ENTREP2: variants seen among roughly 807,000 people sequenced by gnomAD.
ENTREP2 encodes the protein protein ENTREP2.
At chr15:29,220,405 T>C in the ENTREP2 span, among the ~76,000 whole-genome samples, 2 of 152,234 alleles carry the variant, frequency 1.3e-5, no homozygotes, top group Admixed American at 6.5e-5. Context: ...TTTATTATTA[T>C]ATTTTATGCA....
At chr15:29,198,883 T>C in the ENTREP2 span, among the ~76,000 whole-genome samples, 1 of 152,380 alleles carries the variant, frequency 6.6e-6, no homozygotes, top group Admixed American at 6.5e-5. Flanking sequence ...TTGGCATCTT[T>C]CATTCAAAAT....
At chr15:29,143,018 G>A in the ENTREP2 span, among the ~76,000 whole-genome samples, 1 of 152,140 alleles carries the variant, frequency 6.6e-6, no homozygotes, top group Non-Finnish European at 1.5e-5. Flanking sequence ...CTGACAATAG[G>A]CAGAACGCTT....
the ENTREP2 span, among the ~76,000 whole-genome samples, chr15:29,566,129 T>G: frequency 1.3e-5 from 2 of 151,942 alleles, no homozygotes; most frequent in East Asian, 3.9e-4. Context: ...ATTGTTTGTG[T>G]GTATGTGTGT....
the ENTREP2 span, among the ~76,000 whole-genome samples, chr15:29,534,877 A>G: frequency 1.3e-5 from 2 of 152,254 alleles, no homozygotes; most frequent in African/African-American, 2.4e-5. Context: ...TGATGGACTG[A>G]TAAGTGAATG....
the ENTREP2 span, among the ~76,000 whole-genome samples, chr15:29,455,367 G>A: frequency 6.6e-6 from 1 of 152,154 alleles, no homozygotes; most frequent in East Asian, 1.9e-4. Context: ...CACTGAGTAA[G>A]TAGTTGCTGG....
chr15:29,338,485 G>A, the ENTREP2 span, among the ~76,000 whole-genome samples: 1 of 151,970 alleles, frequency 6.6e-6, no homozygotes, highest in South Asian at 2.1e-4. Context: ...TGGCCACGTG[G>A]AGAGGTCAGC....
chr15:29,590,270 G>A, the ENTREP2 span, among the ~76,000 whole-genome samples: 11 of 152,040 alleles, frequency 7.2e-5, no homozygotes, highest in African/African-American at 2.2e-4. Flanking sequence ...AGTAGATATC[G>A]GCCACTCTGA....
the ENTREP2 span, among the ~76,000 whole-genome samples, chr15:29,130,178 C>A: frequency 6.6e-6 from 1 of 152,198 alleles, no homozygotes; most frequent in African/African-American, 2.4e-5. Flanking sequence ...GGTTCCGAGA[C>A]AAAGAGAAGA....
the ENTREP2 span, chr15:29,570,487 C>T: frequency 7.7e-7 from 1 of 1,294,122 alleles, no homozygotes. Flanking sequence ...CCGTCCCCGC[C>T]TGGTCGCGGA....
chr15:29,550,811 G>A, the ENTREP2 span, among the ~76,000 whole-genome samples: 1,264 of 152,196 alleles, frequency 8.3e-3, 20 homozygotes, highest in African/African-American at 0.029. Context: ...CACTCACGCA[G>A]CAAACATTTA....
the ENTREP2 span, among the ~76,000 whole-genome samples, chr15:29,592,830 C>T: frequency 6.6e-6 from 1 of 152,078 alleles, no homozygotes; most frequent in South Asian, 2.1e-4. Context: ...GCTGGATGTT[C>T]AAAAGAATGG....
chr15:29,579,686 A>ATTTT, the ENTREP2 span, among the ~76,000 whole-genome samples: 23 of 55,818 alleles, frequency 4.1e-4, 1 homozygote, highest in African/African-American at 6.4e-4. Context: ...CACCCAGCTA[A>ATTTT]TTTTTTTTTT....
chr15:29,635,070 C>T, the ENTREP2 span, among the ~76,000 whole-genome samples: 2 of 152,090 alleles, frequency 1.3e-5, no homozygotes, highest in African/African-American at 4.8e-5. Flanking sequence ...GTCTCAATCT[C>T]CTGACCTCAT....
At chr15:29,152,424 C>T in the ENTREP2 span, among the ~76,000 whole-genome samples, 1 of 152,178 alleles carries the variant, frequency 6.6e-6, no homozygotes, top group African/African-American at 2.4e-5. Context: ...TTCCCTGCTC[C>T]CCATTTAACC....
At chr15:29,419,344 T>C in the ENTREP2 span, among the ~76,000 whole-genome samples, 2 of 152,034 alleles carry the variant, frequency 1.3e-5, no homozygotes, top group South Asian at 2.1e-4. Flanking sequence ...ACATCTAAAA[T>C]GAGTAACTCA....
chr15:29,592,010 A>G, the ENTREP2 span, among the ~76,000 whole-genome samples: 2 of 152,202 alleles, frequency 1.3e-5, no homozygotes, highest in African/African-American at 4.8e-5. Context: ...CTCCCCAACA[A>G]ATTTCAGAGA....
chr15:29,228,281 T>C, the ENTREP2 span, among the ~76,000 whole-genome samples: 1 of 152,090 alleles, frequency 6.6e-6, no homozygotes, highest in African/African-American at 2.4e-5. Flanking sequence ...ATCACGCCAC[T>C]GCACTCTAGC....
chr15:29,511,076 G>A, the ENTREP2 span, among the ~76,000 whole-genome samples: 4 of 152,018 alleles, frequency 2.6e-5, no homozygotes, highest in African/African-American at 7.2e-5. Flanking sequence ...AGCATTAGGA[G>A]AAACAACTAA....
chr15:29,312,665 A>G, the ENTREP2 span, among the ~76,000 whole-genome samples: 2 of 152,152 alleles, frequency 1.3e-5, no homozygotes, highest in African/African-American at 4.8e-5. Flanking sequence ...GTGCCCATAT[A>G]AGGCAGTGAA....
Sources: allele counts gnomAD v4.1 joint callset (sites outside exome capture counted in the v4.1 genomes callset), GRCh38; gene constraint gnomAD v4.1.1; transcripts MANE v1.5; gene names NCBI Gene and HGNC (gene_info 2026-07-23, HGNC 2026-07-21).